Variants in ERC2 observed in about 807,000 individuals in gnomAD.
The protein encoded by ERC2 is ELKS/RAB6-interacting/CAST family member 2, also known as ERC protein 2.
ERC2 carries 42 observed loss-of-function variants against 114.8 expected under a neutral mutation model. That is an observed-to-expected ratio of 0.37 (90% CI 0.29 to 0.47). ERC2 has a LOEUF of 0.47. Ranked by LOEUF, ERC2 falls within the 20% of genes least tolerant of loss-of-function variation. The pLI is 0.99. For missense variants in ERC2, 939 were observed against 1,150.7 expected (o/e 0.82, Z 2.66); for synonymous variants, 454 against 425.5 (o/e 1.07, Z -0.82).
chr3:55,837,712 C>T (rs1309409986), intron 14 of ERC2, among the ~76,000 whole-genome samples: 3 of 151,864 alleles, frequency 2.0e-5, no homozygotes, highest in Non-Finnish European at 1.5e-5. Flanking sequence ...ATGTAAAAAG[C>T]CTGCACGTTG....
chr3:56,046,559 A>C (rs1415396581), intron 7 of ERC2, among the ~76,000 whole-genome samples: 1 of 152,228 alleles, frequency 6.6e-6, no homozygotes, highest in South Asian at 2.1e-4. Flanking sequence ...CTTAGAACCC[A>C]TTGGAGGCCA....
At chr3:56,290,898 G>A (rs991795160) in intron 3 of ERC2, among the ~76,000 whole-genome samples, 6 of 152,136 alleles carry the variant, frequency 3.9e-5, no homozygotes, top group African/African-American at 1.4e-4. Flanking sequence ...TGGGTTATTA[G>A]CAACTGTGGC....
intron 13 of ERC2, among the ~76,000 whole-genome samples, chr3:55,940,404 C>A (rs1005467144): frequency 3.3e-5 from 5 of 152,062 alleles, no homozygotes; most frequent in South Asian, 2.1e-4. Context: ...CAGGGCCCCA[C>A]GGATGACCTG....
chr3:56,282,698 G>GCTGCTA (rs1237195425), intron 3 of ERC2, among the ~76,000 whole-genome samples: 20 of 152,186 alleles, frequency 1.3e-4, no homozygotes, highest in Non-Finnish European at 2.8e-4. Flanking sequence ...TGCTGCTGCT[G>GCTGCTA]CTGATTTATG....
chr3:55,989,054 G>A (rs188168169), intron 11 of ERC2, among the ~76,000 whole-genome samples: 29 of 152,330 alleles, frequency 1.9e-4, no homozygotes, highest in African/African-American at 7.0e-4. Context: ...GGCTGGGGCT[G>A]AAGCTCAGAC....
At chr3:55,694,857 A>C (rs2062847823) in intron 16 of ERC2, among the ~76,000 whole-genome samples, 1 of 152,238 alleles carries the variant, frequency 6.6e-6, no homozygotes, top group African/African-American at 2.4e-5. Flanking sequence ...CTAGATGCAC[A>C]AAGGGTAGCC....
chr3:55,741,603 C>T (rs527864033), intron 14 of ERC2, among the ~76,000 whole-genome samples: 5 of 152,226 alleles, frequency 3.3e-5, no homozygotes, highest in Admixed American at 6.5e-5. Flanking sequence ...ACAGACAACA[C>T]GGAAAGTACA....
At chr3:55,653,948 T>C (rs961673105) in intron 17 of ERC2, among the ~76,000 whole-genome samples, 1 of 152,178 alleles carries the variant, frequency 6.6e-6, no homozygotes, top group African/African-American at 2.4e-5. Flanking sequence ...CCAGCTGATT[T>C]TGAGCTATCT....
chr3:56,052,366 T>G (rs2075813339), intron 7 of ERC2, among the ~76,000 whole-genome samples: 1 of 152,230 alleles, frequency 6.6e-6, no homozygotes, highest in Non-Finnish European at 1.5e-5. Flanking sequence ...AAGGCAGCAG[T>G]ATGCTAATGC....
chr3:55,951,397 G>A (rs1346823973), intron 12 of ERC2, among the ~76,000 whole-genome samples: 4 of 152,158 alleles, frequency 2.6e-5, no homozygotes, highest in Non-Finnish European at 2.9e-5. Flanking sequence ...CTGGGGCTTG[G>A]AGTAAAACTT....
chr3:55,560,503 T>C (rs2055933603), intron 17 of ERC2, among the ~76,000 whole-genome samples: 1 of 152,156 alleles, frequency 6.6e-6, no homozygotes, highest in East Asian at 1.9e-4. Context: ...TGAGAGTACA[T>C]GGAGAAGAGG....
chr3:56,436,835 G>A (rs1462100512), intron 1 of ERC2, among the ~76,000 whole-genome samples: 1 of 152,150 alleles, frequency 6.6e-6, no homozygotes, highest in African/African-American at 2.4e-5. Flanking sequence ...CCTCCCTGAG[G>A]GTGGAGACAA....
At chr3:55,701,665 G>A (rs1435906474) in intron 15 of ERC2, among the ~76,000 whole-genome samples, 1 of 152,146 alleles carries the variant, frequency 6.6e-6, no homozygotes, top group Non-Finnish European at 1.5e-5. Flanking sequence ...TCCTTCACTT[G>A]TCCACTTAAA....
intron 6 of ERC2, among the ~76,000 whole-genome samples, chr3:56,111,082 T>C (rs951327219): frequency 6.6e-6 from 1 of 152,108 alleles, no homozygotes; most frequent in African/African-American, 2.4e-5. Flanking sequence ...GACCTCTACA[T>C]TCCCATTATA....
intron 4 of ERC2, among the ~76,000 whole-genome samples, chr3:56,159,490 A>G (rs1478866785): frequency 1.3e-5 from 2 of 152,168 alleles, no homozygotes; most frequent in African/African-American, 4.8e-5. Context: ...TACATTTCAT[A>G]GTTGGTTATT....
intron 7 of ERC2, among the ~76,000 whole-genome samples, chr3:56,070,468 TAA>T (rs397876769): frequency 0.011 from 525 of 46,540 alleles, 5 homozygotes; most frequent in African/African-American, 0.02. Context: ...AAACCTTTTT[TAA>T]AAAAAAAAAA....
intron 4 of ERC2, among the ~76,000 whole-genome samples, chr3:56,151,286 C>T (rs529685660): frequency 1.3e-5 from 2 of 152,198 alleles, no homozygotes; most frequent in African/African-American, 2.4e-5. Context: ...AGGCTACTCT[C>T]GAACTCCTGA....
chr3:56,079,346 T>C (rs2077120520), intron 7 of ERC2, among the ~76,000 whole-genome samples: 1 of 152,138 alleles, frequency 6.6e-6, no homozygotes, highest in South Asian at 2.1e-4. Context: ...TACAAGTGGC[T>C]CGTGACTACC....
At chr3:56,213,190 C>A (rs1451446088) in intron 3 of ERC2, among the ~76,000 whole-genome samples, 1 of 152,094 alleles carries the variant, frequency 6.6e-6, no homozygotes, top group Admixed American at 6.5e-5. Flanking sequence ...GTGCGGTGCA[C>A]CGAGCATGAG....
Sources: allele counts gnomAD v4.1 joint callset (sites outside exome capture counted in the v4.1 genomes callset), GRCh38; gene constraint gnomAD v4.1.1; transcripts MANE v1.5; gene names NCBI Gene and HGNC (gene_info 2026-07-23, HGNC 2026-07-21).